COA7: variants seen among roughly 807,000 people sequenced by gnomAD.
COA7 encodes the protein Sel1 repeat containing 1.
Under a neutral mutation model 21.0 loss-of-function variants are expected in COA7, and 12 were observed. The observed-to-expected ratio is 0.57, with a 90% confidence interval of 0.37 to 0.92. The LOEUF is 0.92. Among genes scored for constraint, COA7 ranks in the 40% least tolerant of loss-of-function variants. COA7 has a pLI of 0.01. For synonymous variants in COA7, 95 were observed against 107.4 expected, an observed-to-expected ratio of 0.88 and a Z score of 0.72; for missense variants, 240 against 286.1, an observed-to-expected ratio of 0.84 and a Z score of 1.16.
At chr1:52,693,260 T>C (rs1481117056) in intron 1 of COA7, among the ~76,000 whole-genome samples, 1 of 152,118 alleles carries the variant, frequency 6.6e-6, no homozygotes, top group Non-Finnish European at 1.5e-5. Context: ...AAAAGGCTCA[T>C]AGGCTAGTCT....
rs958783635 is a variant in COA7 at position 52,687,157 on chromosome 1, G to A, written c.*563C>T. 6.4e-6 allele frequency: 1 copy of A among 155,262 alleles called. No homozygotes were observed. Among genetic ancestry groups the A allele is most frequent in the Non-Finnish European group, 1.4e-5 (1 of 69,882 alleles). The allele number at this position is 155,262 out of a possible 1,614,324, so 9.6% of individuals were successfully genotyped here. A position where few individuals can be genotyped will look rare whatever the true frequency, so the allele number is the denominator to read the frequency against. ...AAAGATGTGACTCTAAAGGCAAAACGAAGCCCACACCAATGATTATGTAAG... is the reference window on the plus strand; with the variant it reads ...AAAGATGTGACTCTAAAGGCAAAACAAAGCCCACACCAATGATTATGTAAG... On this transcript the variant is annotated 3_prime_UTR_variant, in exon 3 of 3. Coordinates refer to ENST00000371538, the MANE Select transcript of COA7 (RefSeq NM_023077.3).
chr1:52,691,495 A>G (rs905109069), intron 2 of COA7, among the ~76,000 whole-genome samples: 1 of 142,674 alleles, frequency 7.0e-6, no homozygotes, highest in African/African-American at 2.6e-5. Flanking sequence ...TTTGTGAGAC[A>G]GAGTCTTGCT....
In COA7 at chr1:52,698,248, G is replaced by T; in HGVS notation, c.79C>A (p.His27Asn). Reference protein sequence around the residue: ...LENMEVECNYHCYHEKDPDGC... With the variant: ...LENMEVECNYNCYHEKDPDGC... ...TCCGGGTCCTTCTCGTGGTAGCAGT[G>T]GTAGTTGCACTCCACCTCCATGTTC... is the stretch of plus-strand genomic sequence containing the variant. The change falls in exon 1 of 3, where the codon CAC (histidine) becomes AAC (asparagine). Residue 27 changes from histidine to asparagine, a missense_variant. Transcript: ENST00000371538. The T allele has an allele frequency of 6.2e-7, 1 of 1,612,366 alleles. No individual in the cohort carries two copies.
chr1:52,688,282 T>A (rs1644021505), intron 2 of COA7, 114 bp from the exon 3 acceptor site: 2 of 829,092 alleles, frequency 2.4e-6, no homozygotes, highest in African/African-American at 1.7e-5. Context: ...CTTGCTTTGT[T>A]AACCAGGCTG....
At chr1:52,692,213 C>T (rs915312472) in intron 2 of COA7, among the ~76,000 whole-genome samples, 7 of 152,214 alleles carry the variant, frequency 4.6e-5, no homozygotes, top group African/African-American at 1.2e-4. Context: ...GGTACCCCCA[C>T]TAAACCACTC....
At chr1:52,696,813 GAA>G (rs540684646) in intron 1 of COA7, among the ~76,000 whole-genome samples, 1 of 123,792 alleles carries the variant, frequency 8.1e-6, no homozygotes. Context: ...TTATTTGAAA[GAA>G]AAAAAAAAAA....
Position 52,685,032 on chromosome 1 carries a change from A to G in COA7, c.*2688T>C, listed in dbSNP as rs1416923684. The G allele has an allele frequency of 6.6e-6, 1 of 152,204 alleles. No homozygotes were observed. The highest frequency in any genetic ancestry group is 2.4e-5 in the African/African-American group (1 of 41,440). 9.4% of individuals were successfully genotyped at this position (152,204 alleles called of 1,614,324 possible). On this transcript the variant is annotated 3_prime_UTR_variant, in exon 3 of 3. Transcript: ENST00000371538. ...TATTTACCCATTTACCTACTGAAAG[A>G]CATTTTGGGTTGAGTTTTGGCAATT...
rs1291194664 is a variant in COA7 at position 52,685,567 on chromosome 1, G to GT, written c.*2152dup. The GT allele has an allele frequency of 3.3e-5, 5 of 151,956 alleles. No individual in the cohort carries two copies. Among genetic ancestry groups the GT allele is most frequent in the African/African-American group, 9.7e-5 (4 of 41,350 alleles). 9.4% of individuals were successfully genotyped at this position (151,956 alleles called of 1,614,324 possible). A position where few individuals can be genotyped will look rare whatever the true frequency, so the allele number is the denominator to read the frequency against. On this transcript the variant is annotated 3_prime_UTR_variant, in exon 3 of 3. Coordinates refer to ENST00000371538, the MANE Select transcript of COA7 (RefSeq NM_023077.3). ...TTTTGACCTACAGTTTTGTGTGTGTGTGTGTGTGTGTTTTTTTGAGACAGA... is the reference window on the plus strand; with the variant it reads ...TTTTGACCTACAGTTTTGTGTGTGTGTTGTGTGTGTGTTTTTTTGAGACAGA...
intron 1 of COA7, among the ~76,000 whole-genome samples, chr1:52,695,707 C>T (rs1421634154): frequency 1.3e-5 from 2 of 151,984 alleles, no homozygotes; most frequent in Admixed American, 1.3e-4. Flanking sequence ...GAGTAAAGTG[C>T]AAAGAGAGGG....
chr1:52,687,780 A>AT lies in COA7; in HGVS notation c.635dup (p.Asn212LysfsTer34). 5.0e-6 allele frequency: 8 copies of AT among 1,614,182 alleles called. No individual in the cohort carries two copies. Among genetic ancestry groups the AT allele is most frequent in the South Asian group, 4.4e-5 (4 of 91,092 alleles). ...GTTCTTTGTGTAGCTGCTGGGCTCG[A>AT]TTTTTTAGCACCTCGGCCTTGGCCT... On this transcript the variant is annotated frameshift_variant, in exon 3 of 3. Transcript: ENST00000371538. LOFTEE classifies it high-confidence loss of function.
rs1221291666 is a variant in COA7 at position 52,686,961 on chromosome 1, C to T, written c.*759G>A. On this transcript the variant is annotated 3_prime_UTR_variant, in exon 3 of 3. Transcript: ENST00000371538. ...AGCTGCCTTGGGAAGAATCTGCTCC[C>T]TCAGCATGATGGGCAGTGCCAGGCG... 1 of 152,204 alleles carries T rather than the reference C, an allele frequency of 6.6e-6. No individual in the cohort carries two copies. The highest frequency in any genetic ancestry group is 1.5e-5 in the Non-Finnish European group (1 of 68,050). 9.4% of individuals were successfully genotyped at this position (152,204 alleles called of 1,614,324 possible).
intron 2 of COA7, among the ~76,000 whole-genome samples, chr1:52,691,469 TG>T (rs1389536051): frequency 2.4e-3 from 297 of 122,792 alleles, no homozygotes; most frequent in African/African-American, 0.01. Context: ...TGTGTGTGTG[TG>T]TTTTTTTTTT....
At chr1:52,695,184 C>G (rs957306852) in intron 1 of COA7, among the ~76,000 whole-genome samples, 1 of 151,130 alleles carries the variant, frequency 6.6e-6, no homozygotes, top group African/African-American at 2.4e-5. Flanking sequence ...ATTCCAGCTA[C>G]TTGGGAGGCT....
chr1:52,692,984 C>A (rs1387047989), intron 1 of COA7, 117 bp from the exon 2 acceptor site: 8 of 1,060,108 alleles, frequency 7.5e-6, no homozygotes, highest in Non-Finnish European at 1.1e-5. Flanking sequence ...AAGACAGCCC[C>A]TGTCCTCCTG....
chr1:52,696,596 T>C (rs1263351480), intron 1 of COA7, among the ~76,000 whole-genome samples: 1 of 152,206 alleles, frequency 6.6e-6, no homozygotes, highest in Non-Finnish European at 1.5e-5. Context: ...AGCTATGTCA[T>C]TTCTGCAAAC....
intron 1 of COA7, 115 bp downstream of exon 1, chr1:52,698,106 C>A: frequency 1.3e-6 from 1 of 772,888 alleles, no homozygotes; most frequent in Non-Finnish European, 2.1e-6. Context: ...GATCCACAGA[C>A]CCCGTCCCCC....
chr1:52,689,662 G>A (rs577131519), intron 2 of COA7, among the ~76,000 whole-genome samples: 63 of 151,904 alleles, frequency 4.1e-4, no homozygotes, highest in South Asian at 1.9e-3. Flanking sequence ...GGCCGAGGTG[G>A]GCGGATCACC....
In COA7 at chr1:52,695,924, A is replaced by G. The variant is rs189571256; in HGVS notation, c.106+2297T>C. On this transcript the variant is annotated intron_variant, in intron 1 of 2. Transcript: ENST00000371538. ...CCATTGCCTACAGAGCAAAGTCTAT[A>G]TTCCTTACCCTGGCATTCAAGCCCT... Among the ~76,000 whole-genome samples the G allele has an allele frequency of 6.9e-4, 105 of 152,254 alleles. 1 individual carries two copies. The East Asian group carries it at 0.012, about 17-fold the overall frequency.
rs1215997838 is a variant in COA7, at chr1:52,685,419, GAT to G, written c.*2299_*2300del. ...GCCACCTGTCTATCTTCTTTGCTGA[GAT>G]ATGTTAAGGGTTTTGGCCTGTTTTT... On this transcript the variant is annotated 3_prime_UTR_variant, in exon 3 of 3. Transcript: ENST00000371538. The G allele has an allele frequency of 6.6e-6, 1 of 152,202 alleles. No individual in the cohort carries two copies. Among genetic ancestry groups the G allele is most frequent in the Non-Finnish European group, 1.5e-5 (1 of 68,044 alleles). The allele number at this position is 152,202 out of a possible 1,614,324, so 9.4% of individuals were successfully genotyped here. A position where few individuals can be genotyped will look rare whatever the true frequency, so the allele number is the denominator to read the frequency against.
Sources: gnomAD v4.1 joint callset for allele counts (sites outside exome capture counted in the v4.1 genomes callset) on GRCh38, gnomAD v4.1.1 for gene constraint, MANE v1.5 for transcripts, NCBI Gene and HGNC (gene_info 2026-07-23, HGNC 2026-07-21) for gene names.